The following FMN2 variants were observed in gnomAD, a reference collection of about 807,000 sequenced individuals.
The protein encoded by FMN2 is formin 2.
A neutral mutation model predicts 142.3 loss-of-function variants in FMN2; 51 were observed. That is an observed-to-expected ratio of 0.36 (90% CI 0.29 to 0.45). FMN2 has a LOEUF of 0.45. Among genes scored for constraint, FMN2 ranks in the 20% least tolerant of loss-of-function variants. The pLI is 1.00. For missense variants in FMN2, 1,936 were observed against 2,122.8 expected (o/e 0.91, Z 1.73); for synonymous variants, 882 against 869.8 (o/e 1.01, Z -0.25).
At chr1:240,144,301 C>G in intron 2 of FMN2, 1 of 1,607,312 alleles carries the variant, frequency 6.2e-7, no homozygotes, top group Non-Finnish European at 8.5e-7. Flanking sequence ...AGCCACTGCC[C>G]CCAAACCTGT....
chr1:240,214,949 C>T (rs1264689088), intron 6 of FMN2, among the ~76,000 whole-genome samples: 1 of 151,964 alleles, frequency 6.6e-6, no homozygotes, highest in African/African-American at 2.4e-5. Flanking sequence ...GTCTGTCATC[C>T]CAGCTACTTG....
At chr1:240,348,710 G>T in intron 13 of FMN2, among the ~76,000 whole-genome samples, 1 of 152,126 alleles carries the variant, frequency 6.6e-6, no homozygotes, top group African/African-American at 2.4e-5. Context: ...ACCAAGCTCT[G>T]CAAATTTTAC....
intron 14 of FMN2, among the ~76,000 whole-genome samples, chr1:240,377,596 G>A (rs901593340): frequency 6.6e-6 from 1 of 151,954 alleles, no homozygotes; most frequent in Non-Finnish European, 1.5e-5. Flanking sequence ...CTTGGTTTAT[G>A]GCTTCTAGCT....
At chr1:240,382,959 C>T (rs1174650508) in intron 14 of FMN2, among the ~76,000 whole-genome samples, 2 of 152,038 alleles carry the variant, frequency 1.3e-5, no homozygotes, top group Non-Finnish European at 2.9e-5. Flanking sequence ...AACAAAGCCA[C>T]ATATGTACAA....
intron 6 of FMN2, among the ~76,000 whole-genome samples, chr1:240,250,814 G>T (rs541320985): frequency 3.9e-5 from 6 of 152,106 alleles, no homozygotes; most frequent in African/African-American, 1.4e-4. Flanking sequence ...TTCAATCTTG[G>T]TAGATTGTAT....
chr1:240,142,934 C>T, intron 2 of FMN2: 1 of 1,605,820 alleles, frequency 6.2e-7, no homozygotes, highest in Non-Finnish European at 8.5e-7. Flanking sequence ...CAGCCACCAG[C>T]CCATACAATA....
At chr1:240,465,330 CTGTGTGTGTG>C (rs58873062) in intron 16 of FMN2, among the ~76,000 whole-genome samples, 13,431 of 131,430 alleles carry the variant, frequency 0.1, 887 homozygotes, top group East Asian at 0.27. Context: ...ATGCCTCCCT[CTGTGTGTGTG>C]TGTGTGTGTG....
chr1:240,409,009 C>A (rs867120355), intron 15 of FMN2, among the ~76,000 whole-genome samples: 1 of 152,156 alleles, frequency 6.6e-6, no homozygotes. Context: ...GTTAGACATG[C>A]ATAAATTAAC....
chr1:240,284,646 A>G (rs181793209), intron 7 of FMN2, among the ~76,000 whole-genome samples: 123 of 152,304 alleles, frequency 8.1e-4, no homozygotes, highest in East Asian at 1.9e-3. Context: ...AAATATTTCT[A>G]CTATTAGATG....
intron 2 of FMN2, chr1:240,144,533 A>T: frequency 6.9e-7 from 1 of 1,447,162 alleles, no homozygotes; most frequent in Non-Finnish European, 9.7e-7. Flanking sequence ...GCAGGATGTG[A>T]AGATGTCTTC....
chr1:240,100,792 C>A (rs1401209743), intron 1 of FMN2, among the ~76,000 whole-genome samples: 1 of 152,106 alleles, frequency 6.6e-6, no homozygotes, highest in African/African-American at 2.4e-5. Flanking sequence ...TATCTGTTAC[C>A]CTAGAGCTGC....
At chr1:240,118,782 T>A (rs1662121799) in intron 1 of FMN2, among the ~76,000 whole-genome samples, 1 of 152,018 alleles carries the variant, frequency 6.6e-6, no homozygotes, top group Non-Finnish European at 1.5e-5. Context: ...TCCAAATCAC[T>A]AAGAATGATA....
At chr1:240,439,883 G>T (rs561745129) in intron 16 of FMN2, among the ~76,000 whole-genome samples, 1 of 152,230 alleles carries the variant, frequency 6.6e-6, no homozygotes, top group East Asian at 1.9e-4. Flanking sequence ...CCTTCCCTAA[G>T]TCCCTACATT....
At chr1:240,193,971 T>C (rs1665812596) in intron 4 of FMN2, among the ~76,000 whole-genome samples, 1 of 152,196 alleles carries the variant, frequency 6.6e-6, no homozygotes, top group African/African-American at 2.4e-5. Flanking sequence ...GCGTTATCAC[T>C]CACTATTTCC....
At chr1:240,333,183 A>T (rs201685925) in intron 11 of FMN2, among the ~76,000 whole-genome samples, 2 of 152,168 alleles carry the variant, frequency 1.3e-5, no homozygotes, top group African/African-American at 4.8e-5. Flanking sequence ...ATAAAAATTA[A>T]TGCGCCTAAA....
chr1:240,271,032 G>C (rs540019264), intron 7 of FMN2, among the ~76,000 whole-genome samples: 1 of 143,928 alleles, frequency 6.9e-6, no homozygotes, highest in Non-Finnish European at 1.5e-5. Flanking sequence ...AATAATTAAA[G>C]CACAAGAACA....
chr1:240,328,466 A>G (rs1671268996), intron 8 of FMN2, among the ~76,000 whole-genome samples: 2 of 152,030 alleles, frequency 1.3e-5, no homozygotes. Context: ...GCATGCTTGA[A>G]TGAATAAACA....
At chr1:240,256,887 AT>A (rs2102895732) in intron 6 of FMN2, among the ~76,000 whole-genome samples, 1 of 152,292 alleles carries the variant, frequency 6.6e-6, no homozygotes, top group South Asian at 2.1e-4. Context: ...TATTAAGAAT[AT>A]TGTTTTACTC....
intron 15 of FMN2, among the ~76,000 whole-genome samples, chr1:240,396,305 TGTG>T (rs766576706): frequency 0.098 from 9,230 of 94,440 alleles, 343 homozygotes; most frequent in East Asian, 0.14. Flanking sequence ...GAGGTTTTCG[TGTG>T]TGTGTGTGTG....
Sources: allele counts gnomAD v4.1 joint callset (sites outside exome capture counted in the v4.1 genomes callset), GRCh38; gene constraint gnomAD v4.1.1; transcripts MANE v1.5; gene names NCBI Gene and HGNC (gene_info 2026-07-23, HGNC 2026-07-21).